Variants in ADCY8 observed in about 807,000 individuals in gnomAD.
ADCY8 encodes adenylate cyclase type 8.
In ADCY8, 51 loss-of-function variants were observed where a neutral mutation model predicts 119.7. The observed-to-expected ratio is 0.43, with a 90% CI of 0.34 to 0.54. The LOEUF (loss-of-function observed/expected upper bound fraction) is 0.54, where lower values mean the gene tolerates loss of function less well. Among genes scored for constraint, ADCY8 ranks in the 20% least tolerant of loss-of-function variants. The pLI is 0.03. For missense variants in ADCY8, 1,383 were observed against 1,598.8 expected (o/e 0.87, Z 2.30); for synonymous variants, 665 against 651.0 (o/e 1.02, Z -0.33).
At chr8:130,833,117 A>G (rs1210172324) in intron 12 of ADCY8, among the ~76,000 whole-genome samples, 5 of 152,186 alleles carry the variant, frequency 3.3e-5, no homozygotes, top group Non-Finnish European at 7.3e-5. Context: ...TAACCATCTT[A>G]CCTAATTTGA....
chr8:130,890,563 A>G (rs1819150775), intron 7 of ADCY8, among the ~76,000 whole-genome samples: 1 of 152,182 alleles, frequency 6.6e-6, no homozygotes, highest in Non-Finnish European at 1.5e-5. Context: ...GCATGAGATA[A>G]AAGGCACTAC....
intron 1 of ADCY8, among the ~76,000 whole-genome samples, chr8:131,017,750 G>GCATGTTAA (rs1823526793): frequency 6.6e-6 from 1 of 151,946 alleles, no homozygotes; most frequent in Admixed American, 6.6e-5. Flanking sequence ...ACTGGTCACA[G>GCATGTTAA]CATGTTAACA....
intron 15 of ADCY8, among the ~76,000 whole-genome samples, chr8:130,791,078 A>G (rs564899126): frequency 3.0e-4 from 45 of 152,292 alleles, no homozygotes; most frequent in African/African-American, 1.1e-3. Context: ...CTGCTTTTAC[A>G]CTACTTACTT....
intron 5 of ADCY8, among the ~76,000 whole-genome samples, chr8:130,916,046 TG>T (rs2130567500): frequency 6.6e-6 from 1 of 152,176 alleles, no homozygotes; most frequent in East Asian, 1.9e-4. Context: ...ATAACAAACC[TG>T]GGTATCACTA....
At chr8:130,959,263 C>T (rs775245198) in intron 2 of ADCY8, among the ~76,000 whole-genome samples, 4 of 152,018 alleles carry the variant, frequency 2.6e-5, no homozygotes, top group African/African-American at 4.8e-5. Flanking sequence ...AATTGTCTAC[C>T]TTTGATTTAG....
At chr8:130,787,498 G>A (rs1372026972) in intron 15 of ADCY8, among the ~76,000 whole-genome samples, 2 of 152,140 alleles carry the variant, frequency 1.3e-5, no homozygotes, top group African/African-American at 2.4e-5. Flanking sequence ...GTGCATATAT[G>A]TGTGTATGGT....
chr8:130,827,973 T>C (rs570378229), intron 12 of ADCY8, among the ~76,000 whole-genome samples: 1 of 152,256 alleles, frequency 6.6e-6, no homozygotes, highest in African/African-American at 2.4e-5. Flanking sequence ...ACTGGGCATG[T>C]TGGCTGTGTT....
At chr8:130,800,622 T>A in intron 14 of ADCY8, 50 bp from the exon 15 acceptor site, 1 of 1,601,080 alleles carries the variant, frequency 6.2e-7, no homozygotes, top group Non-Finnish European at 8.5e-7. Context: ...AGAGGTCGGT[T>A]CTGCAGTGAT....
chr8:130,802,706 C>G (rs1815819641), intron 14 of ADCY8, among the ~76,000 whole-genome samples: 1 of 152,230 alleles, frequency 6.6e-6, no homozygotes, highest in South Asian at 2.1e-4. Context: ...GGTGCTCTGC[C>G]TGCATCCTCT....
intron 1 of ADCY8, among the ~76,000 whole-genome samples, chr8:131,001,657 G>A (rs867488005): frequency 8.1e-5 from 12 of 148,726 alleles, no homozygotes; most frequent in African/African-American, 2.7e-4. Flanking sequence ...ATATGAATAT[G>A]TCTAGCAGAT....
intron 2 of ADCY8, among the ~76,000 whole-genome samples, chr8:130,960,135 G>A (rs1222185094): frequency 1.3e-5 from 2 of 152,152 alleles, no homozygotes; most frequent in Non-Finnish European, 2.9e-5. Context: ...GAGAAACATG[G>A]GCACATGGGA....
chr8:130,918,432 T>C (rs1028337960), intron 5 of ADCY8, among the ~76,000 whole-genome samples: 2 of 152,178 alleles, frequency 1.3e-5, no homozygotes, highest in Non-Finnish European at 1.5e-5. Context: ...TGGTTAGGGC[T>C]TCAACACAGG....
At chr8:130,919,303 G>GCACACACA (rs150748885) in intron 5 of ADCY8, among the ~76,000 whole-genome samples, 1 of 149,958 alleles carries the variant, frequency 6.7e-6, no homozygotes, top group African/African-American at 2.4e-5. Context: ...ACTCACACTC[G>GCACACACA]CACACACACA....
intron 5 of ADCY8, among the ~76,000 whole-genome samples, chr8:130,921,444 C>CCTTTTTTTTTTTTTTTTTT (rs1563729431): frequency 7.5e-6 from 1 of 132,564 alleles, no homozygotes. Context: ...TTTTCTTTTT[C>CCTTTTTTTTTTTTTTTTTT]TTTTCTTTTT....
At chr8:130,911,209 A>G (rs900647373) in intron 5 of ADCY8, among the ~76,000 whole-genome samples, 1 of 152,196 alleles carries the variant, frequency 6.6e-6, no homozygotes, top group Non-Finnish European at 1.5e-5. Context: ...GCTCTGAAGA[A>G]AGCATTTTGA....
intron 8 of ADCY8, among the ~76,000 whole-genome samples, chr8:130,875,224 T>A (rs1272700685): frequency 6.6e-6 from 1 of 152,146 alleles, no homozygotes; most frequent in Non-Finnish European, 1.5e-5. Context: ...TACTGTCTCA[T>A]TAAGGGATGG....
intron 2 of ADCY8, among the ~76,000 whole-genome samples, chr8:130,984,354 C>T (rs546190312): frequency 2.0e-5 from 3 of 152,180 alleles, no homozygotes; most frequent in Non-Finnish European, 4.4e-5. Context: ...ATACTGCTCT[C>T]TGGAAAAGAG....
Position 130,847,465 on chromosome 8 carries a change from T to G in ADCY8, c.2461A>C (p.Asn821His). Residue 821 changes from asparagine to histidine, a missense_variant, in exon 11 of 18, where the codon AAT (asparagine) becomes CAT (histidine). This residue lies in a region of ADCY8 where 928 missense variants were observed against 1,163.5 expected (regional missense o/e 0.80). Coordinates refer to ENST00000286355, the MANE Select transcript of ADCY8 (RefSeq NM_001115.3). ...ATATCTGTAAACACAGCTGAGGAAT[T>G]GAAAGTCAGGTTCTTCAAGGGTATC... ...KSIPLKNLTF[N>H]SSAVFTDICS... is the part of the protein sequence containing the mutation. The G allele has an allele frequency of 6.2e-7, 1 of 1,611,910 alleles. No homozygotes were observed. The highest frequency in any genetic ancestry group is 8.5e-7 in the Non-Finnish European group (1 of 1,179,492).
intron 1 of ADCY8, among the ~76,000 whole-genome samples, chr8:131,007,800 T>C (rs1405417694): frequency 1.3e-5 from 2 of 152,212 alleles, no homozygotes; most frequent in Non-Finnish European, 2.9e-5. Context: ...TGATAGATGA[T>C]CTCCCTGCCC....
Sources: allele counts gnomAD v4.1 joint callset (sites outside exome capture counted in the v4.1 genomes callset), GRCh38; gene constraint gnomAD v4.1.1; regional missense constraint gnomAD v4.1.1; transcripts MANE v1.5; gene names NCBI Gene and HGNC (gene_info 2026-07-23, HGNC 2026-07-21).